Variants in KCTD4 observed in about 807,000 individuals in gnomAD.
The protein encoded by KCTD4 is potassium channel tetramerization domain containing 4, also known as BTB/POZ domain-containing protein KCTD4.
KCTD4 carries 12 observed loss-of-function variants against 18.3 expected under a neutral mutation model. The ratio of observed to expected loss-of-function variants is 0.66; its 90% CI spans 0.42 to 1.06. KCTD4 has a LOEUF of 1.06. Ranked by LOEUF, KCTD4 falls within the 50% of genes least tolerant of loss-of-function variation. KCTD4 has a pLI of 0.00. For synonymous variants in KCTD4, 124 were observed against 110.5 expected, an observed-to-expected ratio of 1.12 and a Z score of -0.76; for missense variants, 250 against 303.4, an observed-to-expected ratio of 0.82 and a Z score of 1.31.
chr13:45,196,311 C>T (rs577909667), intron 1 of KCTD4, among the ~76,000 whole-genome samples: 23 of 152,294 alleles, frequency 1.5e-4, no homozygotes, highest in African/African-American at 5.5e-4. Context: ...TCTAGGACTT[C>T]ACAGCAAAGC....
intron 1 of KCTD4, among the ~76,000 whole-genome samples, chr13:45,197,843 C>A (rs1872977395): frequency 6.6e-6 from 1 of 152,166 alleles, no homozygotes; most frequent in Non-Finnish European, 1.5e-5. Flanking sequence ...TGTTTCTCTG[C>A]CTTGCAGATA....
Position 45,193,839 on chromosome 13 carries a change from A to G in KCTD4, c.729T>C (p.Asp243=), listed in dbSNP as rs367728341. 2 of 1,613,424 alleles carry G rather than the reference A, an allele frequency of 1.2e-6. No individual in the cohort carries two copies. The highest frequency in any genetic ancestry group is 1.7e-5 in the Admixed American group (1 of 59,840). The change falls in exon 2 of 2, where the codon GAT becomes GAC. Residue 243 remains aspartate (D), a synonymous_variant. Coordinates refer to ENST00000379108, the MANE Select transcript of KCTD4 (RefSeq NM_198404.3). ...TGTGAACAATTGACCCTTTGGAACA[A>G]TCCAGGCTGGTCAGCAGTCTAAAGC... The part of the protein sequence containing the change: ...KCGFRLLTSL[D]CSKGSIVHSD...
rs7325531 is a variant in KCTD4 at position 45,196,168 on chromosome 13, A to C, written c.-187-1414T>G. On this transcript the variant is annotated intron_variant, in intron 1 of 1. Coordinates refer to ENST00000379108, the MANE Select transcript of KCTD4 (RefSeq NM_198404.3). ...ACATTTATGTATTATTGAGATCAAA[A>C]GTTCGTTGAAATCGAACTAGAAAAC... 6.4e-3 allele frequency among the ~76,000 whole-genome samples: 980 copies of C among 152,354 alleles called. 12 individuals carry two copies. Among genetic ancestry groups the C allele is most frequent in the African/African-American group, 0.023 (936 of 41,590 alleles).
intron 1 of KCTD4, among the ~76,000 whole-genome samples, chr13:45,199,917 G>A (rs1873092014): frequency 6.6e-6 from 1 of 152,210 alleles, no homozygotes. Flanking sequence ...GATCTGAACA[G>A]GAGAACAGGA....
chr13:45,200,480 T>A (rs961716810), intron 1 of KCTD4, among the ~76,000 whole-genome samples: 2 of 152,170 alleles, frequency 1.3e-5, no homozygotes, highest in African/African-American at 4.8e-5. Flanking sequence ...CTAACTTTTT[T>A]ATCTTTTTGT....
chr13:45,200,609 A>G (rs1206475722), intron 1 of KCTD4, among the ~76,000 whole-genome samples: 2 of 152,216 alleles, frequency 1.3e-5, no homozygotes, highest in South Asian at 2.1e-4. Flanking sequence ...CCTGAAGATC[A>G]AATAGAGATC....
At chr13:45,200,479 T>C (rs546696945) in intron 1 of KCTD4, among the ~76,000 whole-genome samples, 3 of 152,264 alleles carry the variant, frequency 2.0e-5, no homozygotes, top group African/African-American at 7.2e-5. Context: ...GCTAACTTTT[T>C]TATCTTTTTG....
In KCTD4 at chr13:45,194,342, G is replaced by A. The variant is rs757491963; in HGVS notation, c.226C>T (p.His76Tyr). 3.7e-6 allele frequency: 6 copies of A among 1,613,998 alleles called. No individual in the cohort carries two copies. Among genetic ancestry groups the A allele is most frequent in the Non-Finnish European group, 4.2e-6 (5 of 1,179,992 alleles). Reference protein sequence around the residue: ...KILCPFDADGHYFIDRDGLLF... With the variant: ...KILCPFDADGYYFIDRDGLLF... The stretch of plus-strand genomic sequence containing the variant: ...AGACCATCCCTGTCTATGAAATAAT[G>A]ACCATCAGCATCAAACGGGCAGAGG... Residue 76 changes from histidine (H) to tyrosine (Y), a missense_variant, in exon 2 of 2, where the codon CAT becomes TAT. Transcript: ENST00000379108.
rs778251048 is a variant in KCTD4 at position 45,194,496 on chromosome 13, A to C, written c.72T>G (p.Thr24=). ...YEGKHNSLED[T]DQGKNCKSTL... is the part of the protein sequence containing the mutation. ...TGGATTTGCAGTTCTTTCCTTGATC[A>C]GTATCTTCCAGGCTGTTGTGTTTCC... Residue 24 remains threonine, a synonymous_variant, in exon 2 of 2, where the codon ACT becomes ACG. Transcript: ENST00000379108. 1 of 1,614,116 alleles carries C rather than the reference A, an allele frequency of 6.2e-7. No homozygotes were observed. The highest frequency in any genetic ancestry group is 2.2e-5 in the East Asian group (1 of 44,888).
chr13:45,200,465 C>T (rs528223411), intron 1 of KCTD4, among the ~76,000 whole-genome samples: 2 of 152,236 alleles, frequency 1.3e-5, no homozygotes, highest in South Asian at 2.1e-4. Context: ...CCCCACCATA[C>T]CTGGCTAACT....
chr13:45,200,000 C>G (rs1053499124), intron 1 of KCTD4, among the ~76,000 whole-genome samples: 1 of 151,932 alleles, frequency 6.6e-6, no homozygotes. Context: ...ATGGAGAACT[C>G]TATCATATCA....
intron 1 of KCTD4, among the ~76,000 whole-genome samples, 180 bp downstream of exon 1, chr13:45,200,644 G>A (rs1873136695): frequency 6.6e-6 from 1 of 152,154 alleles, no homozygotes; most frequent in Non-Finnish European, 1.5e-5. Flanking sequence ...CAAGTAAAGA[G>A]CAGCTTTTTA....
intron 1 of KCTD4, among the ~76,000 whole-genome samples, chr13:45,195,528 CTTGTTTGT>C (rs10564668): frequency 2.0e-5 from 3 of 151,858 alleles, no homozygotes; most frequent in Non-Finnish European, 2.9e-5. Context: ...AAGTTAGTTT[CTTGTTTGT>C]TTGTTTGTTT....
chr13:45,198,330 A>G (rs1039152490), intron 1 of KCTD4, among the ~76,000 whole-genome samples: 3 of 152,190 alleles, frequency 2.0e-5, no homozygotes, highest in Non-Finnish European at 2.9e-5. Context: ...TGCTCCATTT[A>G]TATGCCAGAG....
chr13:45,194,692 C>G lies in KCTD4; in HGVS notation c.-125G>C. ...GATGGAATGGAAACGCTGGCAGCATCGCCTGCGCTGTCAGCTCGGTTTTGC... is the reference window on the plus strand; with the variant it reads ...GATGGAATGGAAACGCTGGCAGCATGGCCTGCGCTGTCAGCTCGGTTTTGC... On this transcript the variant is annotated 5_prime_UTR_variant, in exon 2 of 2. Transcript: ENST00000379108. 1.2e-6 allele frequency: 1 copy of G among 854,896 alleles called. No homozygotes were observed. The allele number at this position is 854,896 out of a possible 1,614,324, so 53.0% of individuals were successfully genotyped here.
chr13:45,197,376 G>T (rs922352882), intron 1 of KCTD4, among the ~76,000 whole-genome samples: 2 of 151,496 alleles, frequency 1.3e-5, no homozygotes, highest in Admixed American at 6.6e-5. Context: ...GGGTGTGTTG[G>T]TGTATGTCTG....
intron 1 of KCTD4, 84 bp from the exon 2 acceptor site, chr13:45,194,838 T>C (rs772735009): frequency 4.5e-6 from 2 of 447,122 alleles, no homozygotes; most frequent in Non-Finnish European, 7.9e-6. Context: ...GTCTATCCTT[T>C]GAAGTAATAA....
chr13:45,196,662 A>G (rs1872907673), intron 1 of KCTD4, among the ~76,000 whole-genome samples: 1 of 152,224 alleles, frequency 6.6e-6, no homozygotes, highest in South Asian at 2.1e-4. Context: ...ACTGTAGTAT[A>G]GTGATGGAGA....
chr13:45,198,435 A>G (rs962567918), intron 1 of KCTD4, among the ~76,000 whole-genome samples: 15 of 152,240 alleles, frequency 9.9e-5, no homozygotes, highest in African/African-American at 3.6e-4. Flanking sequence ...CCTAGACTTA[A>G]CAGATCATTC....
Sources: gnomAD v4.1 joint callset for allele counts (sites outside exome capture counted in the v4.1 genomes callset) on GRCh38, gnomAD v4.1.1 for gene constraint, MANE v1.5 for transcripts, NCBI Gene and HGNC (gene_info 2026-07-23, HGNC 2026-07-21) for gene names.